Variants in SVEP1 observed in about 807,000 individuals in gnomAD.
SVEP1 encodes sushi, von Willebrand factor type A, EGF and pentraxin domain containing 1.
Under a neutral mutation model 367.3 loss-of-function variants are expected in SVEP1, and 164 were observed. The observed-to-expected ratio is 0.45, with a 90% CI of 0.39 to 0.51. SVEP1 has a LOEUF of 0.51. Among genes scored for constraint, SVEP1 ranks in the 20% least tolerant of loss-of-function variants. The pLI, the probability that SVEP1 is intolerant of heterozygous loss-of-function variation, is 0.00. For missense variants in SVEP1, 4,117 were observed against 4,425.3 expected (o/e 0.93, Z 1.98); for synonymous variants, 1,666 against 1,611.6 (o/e 1.03, Z -0.81).
chr9:110,395,902 T>C (rs1412558859), intron 40 of SVEP1, among the ~76,000 whole-genome samples: 1 of 151,626 alleles, frequency 6.6e-6, no homozygotes, highest in African/African-American at 2.4e-5. Context: ...ACAATAATAA[T>C]GGGAGACTTT....
chr9:110,517,540 G>C (rs1829820390), intron 3 of SVEP1, among the ~76,000 whole-genome samples: 1 of 150,664 alleles, frequency 6.6e-6, no homozygotes, highest in Non-Finnish European at 1.5e-5. Context: ...GGAGGTTGCA[G>C]TGAGCCAAGA....
chr9:110,401,035 G>C, intron 39 of SVEP1, 26 bp from the exon 40 acceptor site: 1 of 1,611,468 alleles, frequency 6.2e-7, no homozygotes, highest in South Asian at 1.1e-5. Context: ...CAAAATGTAA[G>C]TTATGTTTAG....
chr9:110,530,451 A>T (rs772766682), intron 3 of SVEP1, among the ~76,000 whole-genome samples: 2 of 152,190 alleles, frequency 1.3e-5, no homozygotes, highest in Non-Finnish European at 2.9e-5. Context: ...AAAAGTATAC[A>T]TAAGTATTAT....
chr9:110,465,586 A>T (rs10980399), intron 18 of SVEP1, among the ~76,000 whole-genome samples: 22,763 of 152,224 alleles, frequency 0.15, 2,274 homozygotes, highest in East Asian at 0.43. Context: ...CTACCATATC[A>T]CGAAGCCACA....
intron 18 of SVEP1, among the ~76,000 whole-genome samples, chr9:110,460,436 G>A (rs994224306): frequency 2.6e-5 from 4 of 152,124 alleles, no homozygotes; most frequent in Admixed American, 2.6e-4. Context: ...TGTCCTTACT[G>A]ATTGCCTACA....
intron 40 of SVEP1, among the ~76,000 whole-genome samples, chr9:110,391,180 T>C (rs1284933845): frequency 6.6e-6 from 1 of 152,054 alleles, no homozygotes; most frequent in Non-Finnish European, 1.5e-5. Context: ...CAGTACCAAA[T>C]AAGATCCATA....
chr9:110,499,229 C>T lies in SVEP1; in HGVS notation c.1493G>A (p.Cys498Tyr). 3 of 1,612,640 alleles carry T rather than the reference C, an allele frequency of 1.9e-6. No individual in the cohort carries two copies. The highest frequency in any genetic ancestry group is 2.5e-6 in the Non-Finnish European group (3 of 1,179,122). The change falls in exon 7 of 48, where the codon TGT becomes TAT. Residue 498 changes from cysteine (C) to tyrosine (Y), a missense_variant. Coordinates refer to ENST00000374469, the MANE Select transcript of SVEP1 (RefSeq NM_153366.4). ...GPEPRCVERH[C>Y]STFQMPKDVI... is the part of the protein sequence containing the mutation. ...ATCTTTGGGCATCTGAAAGGTGGAA[C>T]AGTGGCGCTCTACGGTAGGGAAACA...
Position 110,513,066 on chromosome 9 carries a change from T to C in SVEP1, c.1163A>G (p.Tyr388Cys), listed in dbSNP as rs1205382972. The C allele has an allele frequency of 2.5e-6, 4 of 1,613,894 alleles. No individual in the cohort carries two copies. The highest frequency in any genetic ancestry group is 2.5e-6 in the Non-Finnish European group (3 of 1,179,850). The stretch of plus-strand genomic sequence containing the variant: ...GTTGTTGCAAGTGTTTTGGATAAAG[T>C]AACCATTTTCGGGAGGCTTCAGGGC... Reference protein sequence around the residue: ...CPALKPPENGYFIQNTCNNHF... With the variant: ...CPALKPPENGCFIQNTCNNHF... Residue 388 changes from tyrosine (Y) to cysteine (C), a missense_variant, in exon 5 of 48, where the codon TAC becomes TGC. By Grantham distance (194) the Tyr-to-Cys change is radical. Transcript: ENST00000374469.
chr9:110,397,552 T>C (rs1186506311), intron 40 of SVEP1, among the ~76,000 whole-genome samples: 1 of 152,184 alleles, frequency 6.6e-6, no homozygotes, highest in Non-Finnish European at 1.5e-5. Flanking sequence ...GGAAGTCAAA[T>C]TGTCCCTGTT....
chr9:110,393,599 C>A (rs898790045), intron 40 of SVEP1, among the ~76,000 whole-genome samples: 24 of 152,226 alleles, frequency 1.6e-4, no homozygotes, highest in Non-Finnish European at 2.8e-4. Flanking sequence ...AGGGAATTCC[C>A]TTTCCTAGTC....
chr9:110,446,615 A>G (rs1027533928), intron 25 of SVEP1, among the ~76,000 whole-genome samples: 1 of 152,230 alleles, frequency 6.6e-6, no homozygotes, highest in African/African-American at 2.4e-5. Context: ...GCGGCTTATC[A>G]AAGTATCATT....
chr9:110,443,415 A>G, intron 27 of SVEP1, 130 bp downstream of exon 27: 1 of 848,574 alleles, frequency 1.2e-6, no homozygotes, highest in Non-Finnish European at 1.6e-6. Context: ...ATCAGGGAGT[A>G]GGAAATAAGA....
At chr9:110,438,666 T>C (rs1828468247) in intron 27 of SVEP1, among the ~76,000 whole-genome samples, 1 of 152,210 alleles carries the variant, frequency 6.6e-6, no homozygotes, top group Non-Finnish European at 1.5e-5. Flanking sequence ...TATGTTTGAA[T>C]TATTGATTAT....
chr9:110,502,243 C>T (rs1426960980), intron 6 of SVEP1, among the ~76,000 whole-genome samples: 2 of 151,530 alleles, frequency 1.3e-5, no homozygotes, highest in South Asian at 2.1e-4. Flanking sequence ...GCTGGGATTA[C>T]AGGCATCTGC....
intron 14 of SVEP1, among the ~76,000 whole-genome samples, chr9:110,473,085 T>A (rs1829045454): frequency 6.6e-6 from 1 of 152,178 alleles, no homozygotes; most frequent in South Asian, 2.1e-4. Flanking sequence ...AACTCAGTAT[T>A]TGACTTATTA....
In SVEP1 at chr9:110,490,216, T is replaced by G. The variant is rs143942339; in HGVS notation, c.1801-437A>C. Among the ~76,000 whole-genome samples the G allele has an allele frequency of 3.8e-3, 584 of 152,336 alleles. 6 individuals carry two copies. The highest frequency in any genetic ancestry group is 0.027 in the South Asian group (129 of 4,828). On this transcript the variant is annotated intron_variant, in intron 8 of 47. Coordinates refer to ENST00000374469, the MANE Select transcript of SVEP1 (RefSeq NM_153366.4). ...CTTTTCTTTACTGATGCATAATAGA[T>G]GTACATAGTTTCAAGGTACATGTAA... is the stretch of plus-strand genomic sequence containing the variant.
chr9:110,398,530 G>A (rs1827805496), intron 40 of SVEP1, among the ~76,000 whole-genome samples: 1 of 152,014 alleles, frequency 6.6e-6, no homozygotes, highest in Non-Finnish European at 1.5e-5. Flanking sequence ...CACAGCAAAA[G>A]AAACTATCAT....
At chr9:110,567,175 T>C (rs1488870822) in intron 1 of SVEP1, among the ~76,000 whole-genome samples, 1 of 152,164 alleles carries the variant, frequency 6.6e-6, no homozygotes, top group Non-Finnish European at 1.5e-5. Flanking sequence ...ATGAATATCA[T>C]TTTCTAGGTC....
rs558922394 is a variant in SVEP1, at chr9:110,553,988, T to C, written c.532-3884A>G. The stretch of plus-strand genomic sequence containing the variant: ...AATATTTCTTAAGTCCAAATAGATA[T>C]CTTTTGTCTTTGCTGTGACATAGAG... On this transcript the variant is annotated intron_variant, in intron 1 of 47. Transcript: ENST00000374469. 3.3e-5 allele frequency among the ~76,000 whole-genome samples: 5 copies of C among 152,328 alleles called. No individual in the cohort carries two copies. In the South Asian group the frequency reaches 8.3e-4, roughly 25 times the overall value.
Sources: allele counts gnomAD v4.1 joint callset (sites outside exome capture counted in the v4.1 genomes callset), GRCh38; gene constraint gnomAD v4.1.1; transcripts MANE v1.5; gene names NCBI Gene and HGNC (gene_info 2026-07-23, HGNC 2026-07-21).